GALNT18: variants seen among roughly 807,000 people sequenced by gnomAD.
GALNT18 encodes GalNAc-transferase 18.
In GALNT18, 44 loss-of-function variants were observed where a neutral mutation model predicts 69.5. That is an observed-to-expected ratio of 0.63 (90% CI 0.50 to 0.81). GALNT18 has a LOEUF of 0.81. Ranked by LOEUF, GALNT18 falls within the 40% of genes least tolerant of loss-of-function variation. The probability of loss-of-function intolerance (pLI) is 0.00; values close to 1 mark genes in which losing one functional copy is unlikely to be tolerated. For missense variants in GALNT18, 715 were observed against 810.0 expected (o/e 0.88, Z 1.42); for synonymous variants, 364 against 318.2 (o/e 1.14, Z -1.53).
chr11:11,375,950 CTAATA>C (rs1853741191), intron 5 of GALNT18, among the ~76,000 whole-genome samples: 1 of 152,118 alleles, frequency 6.6e-6, no homozygotes, highest in Non-Finnish European at 1.5e-5. Flanking sequence ...CCCTTTCTCC[CTAATA>C]TAATATAAAA....
chr11:11,481,033 G>C (rs1856516239), intron 1 of GALNT18, among the ~76,000 whole-genome samples: 1 of 152,070 alleles, frequency 6.6e-6, no homozygotes, highest in Admixed American at 6.5e-5. Flanking sequence ...AAGTTCCTCA[G>C]CACCGACTTT....
chr11:11,600,533 G>C lies in GALNT18; in HGVS notation c.235+20826C>G, dbSNP rs905511137. ...CTGCTAATCTTATCAGTATTCTCTT[G>C]TAGGTGATAAGTGGTCTTTCTGTTA... On this transcript the variant is annotated intron_variant, in intron 1 of 10. Transcript: ENST00000227756. This position sits in a 1 kb window ranked among gnomAD's most constrained non-coding sequence, Gnocchi z 4.8. Among the ~76,000 whole-genome samples, 2 of 151,926 alleles carry C rather than the reference G, an allele frequency of 1.3e-5. No individual in the cohort carries two copies. The highest frequency in any genetic ancestry group is 2.9e-5 in the Non-Finnish European group (2 of 67,922).
At chr11:11,462,412 G>T (rs189070610) in intron 1 of GALNT18, among the ~76,000 whole-genome samples, 2 of 151,660 alleles carry the variant, frequency 1.3e-5, no homozygotes, top group African/African-American at 4.8e-5. Flanking sequence ...TTGTAGCTGC[G>T]GTTACAGGCT....
chr11:11,577,301 G>A (rs966331842), intron 1 of GALNT18, among the ~76,000 whole-genome samples: 46 of 152,288 alleles, frequency 3.0e-4, no homozygotes, highest in African/African-American at 1.1e-3. Flanking sequence ...GACGACCACT[G>A]TGGGAGCCAC....
intron 1 of GALNT18, among the ~76,000 whole-genome samples, chr11:11,481,710 G>C (rs1336318351): frequency 6.6e-6 from 1 of 152,172 alleles, no homozygotes; most frequent in Non-Finnish European, 1.5e-5. Context: ...ATTTGGATCA[G>C]TGTGCACTGA....
At chr11:11,285,201 A>C (rs575439082) in intron 10 of GALNT18, among the ~76,000 whole-genome samples, 1 of 152,258 alleles carries the variant, frequency 6.6e-6, no homozygotes, top group African/African-American at 2.4e-5. Flanking sequence ...CTGGTTTTCC[A>C]GAGGCAGGAC....
intron 1 of GALNT18, among the ~76,000 whole-genome samples, chr11:11,549,942 G>T (rs972341685): frequency 2.0e-5 from 3 of 152,206 alleles, no homozygotes; most frequent in African/African-American, 7.2e-5. Flanking sequence ...TTCTCAAAAA[G>T]CCAAGCTGCC....
intron 3 of GALNT18, among the ~76,000 whole-genome samples, chr11:11,428,243 C>G (rs920396735): frequency 2.6e-5 from 4 of 152,242 alleles, no homozygotes; most frequent in African/African-American, 9.6e-5. Context: ...ATCCGAAGGG[C>G]CTTTAGCCAT....
At chr11:11,310,414 G>C (rs1849650667) in intron 9 of GALNT18, among the ~76,000 whole-genome samples, 1 of 152,186 alleles carries the variant, frequency 6.6e-6, no homozygotes, top group Non-Finnish European at 1.5e-5. Flanking sequence ...AATATGATTA[G>C]GTGACTTCTG....
At chr11:11,570,981 GC>G (rs1274197976) in intron 1 of GALNT18, among the ~76,000 whole-genome samples, 1 of 152,104 alleles carries the variant, frequency 6.6e-6, no homozygotes, top group Non-Finnish European at 1.5e-5. Flanking sequence ...TTTTTCATGG[GC>G]CCCAAGTTTT....
chr11:11,529,855 T>C (rs967089993), intron 1 of GALNT18, among the ~76,000 whole-genome samples: 4 of 152,182 alleles, frequency 2.6e-5, no homozygotes, highest in Non-Finnish European at 5.9e-5. Flanking sequence ...TACATGACTG[T>C]ATGTCTTTAC....
At chr11:11,471,552 C>T (rs933982210) in intron 1 of GALNT18, among the ~76,000 whole-genome samples, 3 of 152,164 alleles carry the variant, frequency 2.0e-5, no homozygotes, top group African/African-American at 7.2e-5. Flanking sequence ...ATGCTTCCCC[C>T]TTTCCTTGTG....
chr11:11,400,259 G>C (rs1854430252), intron 3 of GALNT18, among the ~76,000 whole-genome samples: 1 of 152,162 alleles, frequency 6.6e-6, no homozygotes, highest in Admixed American at 6.5e-5. Context: ...AACCCACCCA[G>C]CTAAGACACT....
rs568871516 is a variant in GALNT18, at chr11:11,596,099, T to C, written c.235+25260A>G. Among the ~76,000 whole-genome samples, 1 of 152,310 alleles carries C rather than the reference T, an allele frequency of 6.6e-6. No homozygotes were observed. Among genetic ancestry groups the C allele is most frequent in the South Asian group, 2.1e-4 (1 of 4,820 alleles). On this transcript the variant is annotated intron_variant, in intron 1 of 10. Transcript: ENST00000227756. This position sits in a 1 kb window ranked among gnomAD's most constrained non-coding sequence, Gnocchi z 4.2. Reference sequence around the variant, plus strand: ...ATGGGGGACAACTTTATTCTTAACATGTAGATATCCAGTTGTTCCAGCACC... The same window carrying C: ...ATGGGGGACAACTTTATTCTTAACACGTAGATATCCAGTTGTTCCAGCACC...
At chr11:11,525,880 C>T (rs1261035257) in intron 1 of GALNT18, among the ~76,000 whole-genome samples, 8 of 152,160 alleles carry the variant, frequency 5.3e-5, no homozygotes, top group South Asian at 4.2e-4. Flanking sequence ...GTGATCCGCC[C>T]GCCTCAGTCT....
intron 6 of GALNT18, among the ~76,000 whole-genome samples, chr11:11,343,369 A>T (rs922677465): frequency 6.6e-6 from 1 of 151,936 alleles, no homozygotes; most frequent in Non-Finnish European, 1.5e-5. Context: ...AAAAAATAAA[A>T]AATAATAATA....
intron 1 of GALNT18, among the ~76,000 whole-genome samples, chr11:11,533,906 T>G (rs1857714092): frequency 6.6e-6 from 1 of 152,230 alleles, no homozygotes; most frequent in Admixed American, 6.5e-5. Context: ...ACTGCCTGCC[T>G]GGCAGATGGA....
At position 11,327,197 on chromosome 11, in the gene GALNT18, C is replaced by T. The variant is rs1276710846; in HGVS notation, c.1417-16G>A. On this transcript the variant is annotated splice_polypyrimidine_tract_variant and intron_variant, in intron 8 of 10. Coordinates refer to ENST00000227756, the MANE Select transcript of GALNT18 (RefSeq NM_198516.3). ...AATTCTGCAGCTGAACATCAGAGAA[C>T]AGATGGCCACACCAAAGAGAGAGGA... The T allele has an allele frequency of 2.6e-6, 4 of 1,550,068 alleles. No individual in the cohort carries two copies. The highest frequency in any genetic ancestry group is 3.6e-6 in the Non-Finnish European group (4 of 1,121,730).
Position 11,341,587 on chromosome 11 carries a change from A to G in GALNT18, c.1093-583T>C, listed in dbSNP as rs181103285. Among the ~76,000 whole-genome samples the G allele has an allele frequency of 3.3e-5, 5 of 152,304 alleles. No individual in the cohort carries two copies. Among genetic ancestry groups the G allele is most frequent in the Admixed American group, 2.0e-4 (3 of 15,300 alleles). ...GGAAATGATATTAAACTTCTTAGCA[A>G]CCTTGGTGAATAGGAGATTGATCCG... On this transcript the variant is annotated intron_variant, in intron 6 of 10. Coordinates refer to ENST00000227756, the MANE Select transcript of GALNT18 (RefSeq NM_198516.3). This position sits in a 1 kb window ranked among gnomAD's most constrained non-coding sequence, Gnocchi z 6.3.
Sources: gnomAD v4.1 joint callset for allele counts (sites outside exome capture counted in the v4.1 genomes callset) on GRCh38, gnomAD v4.1.1 for gene constraint, Gnocchi (gnomAD v3.1) non-coding constraint, MANE v1.5 for transcripts, NCBI Gene and HGNC (gene_info 2026-07-23, HGNC 2026-07-21) for gene names.